The following SLC6A11 variants were observed in gnomAD, a reference collection of about 807,000 sequenced individuals.
SLC6A11 encodes the protein sodium- and chloride-dependent GABA transporter 3.
SLC6A11 carries 25 observed loss-of-function variants against 74.8 expected under a neutral mutation model. The ratio of observed to expected loss-of-function variants is 0.33; its 90% CI spans 0.24 to 0.47. SLC6A11 has a LOEUF of 0.47. SLC6A11 is among the 20% of genes least tolerant of loss of function. The pLI is 1.00. For missense variants in SLC6A11, 574 were observed against 837.0 expected (o/e 0.69, Z 3.88); for synonymous variants, 330 against 330.2 (o/e 1.00, Z 0.01).
At chr3:10,858,150 C>T (rs1397011890) in intron 5 of SLC6A11, among the ~76,000 whole-genome samples, 1 of 152,180 alleles carries the variant, frequency 6.6e-6, no homozygotes, top group African/African-American at 2.4e-5. Flanking sequence ...TCACATTCCA[C>T]GGACAGTACA....
At position 10,816,370 on chromosome 3, in the gene SLC6A11, C is replaced by A; in HGVS notation, c.105C>A (p.Pro35=). ...GGGCSSGGAA[P]ARHPRVKRDK... ...GCTGCAGCAGCGGGGGCGCGGCGCC[C>A]GCGCGCCACCCGCGCGTCAAGCGCG... Residue 35 remains proline, a synonymous_variant, in exon 1 of 14, where the codon CCC becomes CCA. Coordinates refer to ENST00000254488, the MANE Select transcript of SLC6A11 (RefSeq NM_014229.3). This position sits in a 1 kb window ranked among gnomAD's most constrained non-coding sequence, Gnocchi z 4.2. 1 of 1,476,222 alleles carries A rather than the reference C, an allele frequency of 6.8e-7. No homozygotes were observed. The highest frequency in any genetic ancestry group is 1.4e-5 in the South Asian group (1 of 73,980). 91.4% of individuals were successfully genotyped at this position (1,476,222 alleles called of 1,614,324 possible).
chr3:10,863,581 G>C (rs1694729751), intron 5 of SLC6A11, among the ~76,000 whole-genome samples: 1 of 152,242 alleles, frequency 6.6e-6, no homozygotes. Context: ...ACATTGCTCA[G>C]TGTGTTGCAG....
chr3:10,918,512 A>T lies in SLC6A11; in HGVS notation c.1120+59A>T. ...GCAAGGGAGGCCAGGAGTGATGGTC[A>T]TCATGGAAATGCGATCTTCCTCCTC... On this transcript the variant is annotated intron_variant, in intron 8 of 13. Coordinates refer to ENST00000254488, the MANE Select transcript of SLC6A11 (RefSeq NM_014229.3). This position sits in a 1 kb window ranked among gnomAD's most constrained non-coding sequence, Gnocchi z 4.5. 6.5e-7 allele frequency: 1 copy of T among 1,549,576 alleles called. No individual in the cohort carries two copies. The highest frequency in any genetic ancestry group is 1.2e-5 in the South Asian group (1 of 82,542).
chr3:10,905,277 C>G (rs1695288471), intron 6 of SLC6A11, among the ~76,000 whole-genome samples: 1 of 152,200 alleles, frequency 6.6e-6, no homozygotes, highest in Admixed American at 6.5e-5. Flanking sequence ...TAGTTTGCAA[C>G]CAAGTCACTT....
intron 5 of SLC6A11, among the ~76,000 whole-genome samples, chr3:10,849,794 C>CA (rs56099322): frequency 1.9e-4 from 17 of 87,270 alleles, no homozygotes; most frequent in Admixed American, 3.3e-4. Context: ...TTGTTGAAGC[C>CA]AAAAAAAAAA....
At chr3:10,892,983 T>C (rs570881511) in intron 6 of SLC6A11, among the ~76,000 whole-genome samples, 1 of 152,282 alleles carries the variant, frequency 6.6e-6, no homozygotes, top group African/African-American at 2.4e-5. Context: ...AACGTGAACA[T>C]TTTATCCAAC....
intron 6 of SLC6A11, among the ~76,000 whole-genome samples, chr3:10,886,902 C>A (rs1336173491): frequency 2.0e-5 from 3 of 151,928 alleles, no homozygotes; most frequent in Non-Finnish European, 4.4e-5. Flanking sequence ...CTGAAGTAAT[C>A]TCATGCTTAT....
At chr3:10,880,628 C>T (rs959527651) in intron 6 of SLC6A11, among the ~76,000 whole-genome samples, 3 of 152,184 alleles carry the variant, frequency 2.0e-5, no homozygotes, top group South Asian at 4.1e-4. Context: ...GGTCTCCAGC[C>T]TCTGAGCCCC....
chr3:10,852,700 T>A, intron 5 of SLC6A11, among the ~76,000 whole-genome samples: 1 of 152,290 alleles, frequency 6.6e-6, no homozygotes, highest in South Asian at 2.1e-4. Flanking sequence ...TGCACATGGG[T>A]CTCCCTGGGA....
At chr3:10,865,621 C>G (rs1694754609) in intron 5 of SLC6A11, among the ~76,000 whole-genome samples, 1 of 152,190 alleles carries the variant, frequency 6.6e-6, no homozygotes, top group African/African-American at 2.4e-5. Flanking sequence ...CAAGATCACA[C>G]CACTGCACTC....
chr3:10,900,069 G>A lies in SLC6A11; in HGVS notation c.892-12021G>A, dbSNP rs148937890. Among the ~76,000 whole-genome samples, 1,145 of 151,996 alleles carry A rather than the reference G, an allele frequency of 7.5e-3. 17 individuals carry two copies. The highest frequency in any genetic ancestry group is 0.026 in the African/African-American group (1,076 of 41,260). ...TAATGTCTGCCCTGGGCAGAAATGG[G>A]GGTTGGATGTGCATGTCACATATTT... On this transcript the variant is annotated intron_variant, in intron 6 of 13. Transcript: ENST00000254488.
At chr3:10,867,629 C>A (rs1694781479) in intron 5 of SLC6A11, among the ~76,000 whole-genome samples, 1 of 152,216 alleles carries the variant, frequency 6.6e-6, no homozygotes, top group African/African-American at 2.4e-5. Context: ...CAGAAACCAT[C>A]CATCTGGTCC....
chr3:10,897,619 G>C (rs566897989), intron 6 of SLC6A11, among the ~76,000 whole-genome samples: 1 of 152,200 alleles, frequency 6.6e-6, no homozygotes, highest in East Asian at 1.9e-4. Flanking sequence ...TCCCATGGTC[G>C]TGGGCAGCTC....
chr3:10,927,780 C>T (rs13319764), intron 9 of SLC6A11, among the ~76,000 whole-genome samples: 3,285 of 152,304 alleles, frequency 0.022, 125 homozygotes, highest in African/African-American at 0.075. Flanking sequence ...GTGCCTCATT[C>T]CCTTTGTCTG....
chr3:10,903,767 C>T (rs1175080713), intron 6 of SLC6A11, among the ~76,000 whole-genome samples: 2 of 152,174 alleles, frequency 1.3e-5, no homozygotes, highest in African/African-American at 4.8e-5. Flanking sequence ...TCAATGCTCT[C>T]CAAGAGCCAG....
At chr3:10,897,705 T>C (rs1352998995) in intron 6 of SLC6A11, among the ~76,000 whole-genome samples, 1 of 152,186 alleles carries the variant, frequency 6.6e-6, no homozygotes, top group Non-Finnish European at 1.5e-5. Flanking sequence ...CAGCAACTTT[T>C]CCAGGCACAT....
At chr3:10,902,438 G>A (rs1254633484) in intron 6 of SLC6A11, among the ~76,000 whole-genome samples, 1 of 152,240 alleles carries the variant, frequency 6.6e-6, no homozygotes, top group African/African-American at 2.4e-5. Context: ...GGGAAGCTGG[G>A]ATGTTGGAAA....
At chr3:10,933,050 C>A in intron 10 of SLC6A11, 101 bp from the exon 11 acceptor site, 1 of 796,228 alleles carries the variant, frequency 1.3e-6, no homozygotes, top group East Asian at 2.4e-5. Context: ...CAGTGGTAGC[C>A]ACAGAGCAGA....
At chr3:10,828,251 C>T (rs1296379827) in intron 4 of SLC6A11, among the ~76,000 whole-genome samples, 1 of 152,176 alleles carries the variant, frequency 6.6e-6, no homozygotes, top group Non-Finnish European at 1.5e-5. Context: ...ACAATCAAAA[C>T]TGTTTTTGCA....
Sources: gnomAD v4.1 joint callset for allele counts (sites outside exome capture counted in the v4.1 genomes callset) on GRCh38, gnomAD v4.1.1 for gene constraint, Gnocchi (gnomAD v3.1) non-coding constraint, MANE v1.5 for transcripts, NCBI Gene and HGNC (gene_info 2026-07-23, HGNC 2026-07-21) for gene names.